The following TNIK variants were observed in gnomAD, a reference collection of about 807,000 sequenced individuals.
The protein encoded by TNIK is TRAF2 and NCK-interacting protein kinase.
Under a neutral mutation model 191.3 loss-of-function variants are expected in TNIK, and 49 were observed. The observed-to-expected ratio is 0.26, with a 90% CI of 0.20 to 0.32. The LOEUF is 0.32. Ranked by LOEUF, TNIK falls within the 10% of genes least tolerant of loss-of-function variation. The pLI is 1.00. For synonymous variants in TNIK, 594 were observed against 600.9 expected (o/e 0.99, Z 0.17); for missense variants, 1,155 against 1,702.3 (o/e 0.68, Z 5.66).
In TNIK at chr3:171,175,236, C is replaced by A; in HGVS notation, c.773+16G>T. 6.2e-7 allele frequency: 1 copy of A among 1,609,808 alleles called. No homozygotes were observed. Among genetic ancestry groups the A allele is most frequent in the Non-Finnish European group, 8.5e-7 (1 of 1,177,998 alleles). Reference sequence around the variant, plus strand: ...CCTCACCCTTAGATCTGCGAAACATCGAAGACCAAACTCACCACTTCTTAG... The same window carrying A: ...CCTCACCCTTAGATCTGCGAAACATAGAAGACCAAACTCACCACTTCTTAG... On this transcript the variant is annotated intron_variant, in intron 9 of 32. Coordinates refer to ENST00000436636, the MANE Select transcript of TNIK (RefSeq NM_015028.4).
chr3:171,080,110 T>C (rs1435525456), intron 27 of TNIK, among the ~76,000 whole-genome samples: 6 of 152,256 alleles, frequency 3.9e-5, no homozygotes, highest in Non-Finnish European at 2.9e-5. Flanking sequence ...GTTCAGAAAA[T>C]TATACTGGGC....
At chr3:171,273,190 G>A (rs548835724) in intron 2 of TNIK, among the ~76,000 whole-genome samples, 6 of 152,252 alleles carry the variant, frequency 3.9e-5, no homozygotes, top group South Asian at 2.1e-4. Flanking sequence ...CTAGAGATGC[G>A]GACCAGAGAT....
At chr3:171,203,101 CCACGTCA>C (rs1226380420) in intron 4 of TNIK, among the ~76,000 whole-genome samples, 1 of 151,930 alleles carries the variant, frequency 6.6e-6, no homozygotes, top group African/African-American at 2.4e-5. Context: ...CCTACAACCT[CCACGTCA>C]CACAAGGGTG....
At chr3:171,222,389 A>T (rs1160732728) in intron 3 of TNIK, among the ~76,000 whole-genome samples, 1 of 152,174 alleles carries the variant, frequency 6.6e-6, no homozygotes, top group Non-Finnish European at 1.5e-5. Context: ...TAAGGATTAA[A>T]TGAGTACTAA....
At chr3:171,166,561 C>T (rs1734644137) in intron 10 of TNIK, among the ~76,000 whole-genome samples, 1 of 70,356 alleles carries the variant, frequency 1.4e-5, no homozygotes, top group Non-Finnish European at 2.4e-5. Flanking sequence ...AAATGACCTT[C>T]AGCTCAAAAA....
chr3:171,137,108 C>CTTTTT lies in TNIK; in HGVS notation c.1608+1078_1608+1082dup, dbSNP rs71176593. Among the ~76,000 whole-genome samples the CTTTTT allele has an allele frequency of 1.8e-3, 189 of 104,128 alleles. 2 individuals are homozygous for CTTTTT. The highest frequency in any genetic ancestry group is 6.6e-3 in the African/African-American group (175 of 26,370). The allele number at this position is 104,128 out of a possible 152,430, so 68.3% of individuals were successfully genotyped here. On this transcript the variant is annotated intron_variant, in intron 15 of 32. Coordinates refer to ENST00000436636, the MANE Select transcript of TNIK (RefSeq NM_015028.4). ...AAGTACAAAAAAGTTTTTAAAAATC[C>CTTTTT]TTTTTTTTTTTTTTTTTTTTTTTTT...
intron 1 of TNIK, among the ~76,000 whole-genome samples, chr3:171,383,279 A>T (rs2108525438): frequency 6.6e-6 from 1 of 152,286 alleles, no homozygotes; most frequent in Non-Finnish European, 1.5e-5. Context: ...AGCATGCTGG[A>T]GCTTGTGGTC....
intron 4 of TNIK, among the ~76,000 whole-genome samples, chr3:171,205,403 A>C (rs977999788): frequency 6.6e-6 from 1 of 152,222 alleles, no homozygotes; most frequent in Admixed American, 6.5e-5. Flanking sequence ...GAGTCTGACG[A>C]GTGCTAGGCC....
At chr3:171,178,728 C>T (rs537582231) in intron 7 of TNIK, among the ~76,000 whole-genome samples, 1 of 152,246 alleles carries the variant, frequency 6.6e-6, no homozygotes, top group African/African-American at 2.4e-5. Flanking sequence ...TTCAATGGCC[C>T]ACATCCTAAT....
At chr3:171,184,437 G>A (rs1182886999) in intron 7 of TNIK, among the ~76,000 whole-genome samples, 2 of 152,212 alleles carry the variant, frequency 1.3e-5, no homozygotes, top group African/African-American at 2.4e-5. Flanking sequence ...GTATCAGCAT[G>A]TTGCGTGGAG....
chr3:171,458,034 A>G (rs572506082), intron 1 of TNIK, among the ~76,000 whole-genome samples: 1 of 152,206 alleles, frequency 6.6e-6, no homozygotes, highest in African/African-American at 2.4e-5. Context: ...TCCCGGCCCA[A>G]CTTAAAATCA....
At chr3:171,255,490 T>C (rs923449280) in intron 2 of TNIK, among the ~76,000 whole-genome samples, 12 of 152,210 alleles carry the variant, frequency 7.9e-5, no homozygotes, top group African/African-American at 2.9e-4. Context: ...ATTCACTACC[T>C]AGACATCACC....
At chr3:171,093,313 A>T (rs981386509) in intron 23 of TNIK, among the ~76,000 whole-genome samples, 1 of 152,230 alleles carries the variant, frequency 6.6e-6, no homozygotes, top group South Asian at 2.1e-4. Flanking sequence ...CCAAAGTTCC[A>T]AGGTACATTT....
intron 1 of TNIK, among the ~76,000 whole-genome samples, chr3:171,380,025 ACG>A (rs869124932): frequency 0.015 from 991 of 64,540 alleles, 9 homozygotes; most frequent in African/African-American, 0.025. Context: ...ACACACACAC[ACG>A]CGCACACACA....
At chr3:171,224,138 C>T (rs1742697936) in intron 3 of TNIK, among the ~76,000 whole-genome samples, 1 of 152,164 alleles carries the variant, frequency 6.6e-6, no homozygotes, top group Non-Finnish European at 1.5e-5. Flanking sequence ...GCAGCTGCTG[C>T]TGGGACGAAA....
chr3:171,130,992 T>C (rs1485306933), intron 15 of TNIK, among the ~76,000 whole-genome samples: 1 of 152,030 alleles, frequency 6.6e-6, no homozygotes, highest in Non-Finnish European at 1.5e-5. Flanking sequence ...AAGAATTCTT[T>C]TGGGAAGTGT....
chr3:171,116,409 G>A (rs1726704445), intron 18 of TNIK, among the ~76,000 whole-genome samples: 1 of 152,196 alleles, frequency 6.6e-6, no homozygotes, highest in Non-Finnish European at 1.5e-5. Flanking sequence ...TTGCCATCCT[G>A]CAGATAATGC....
chr3:171,420,815 C>T (rs1411223172), intron 1 of TNIK, among the ~76,000 whole-genome samples: 7 of 152,142 alleles, frequency 4.6e-5, no homozygotes, highest in Non-Finnish European at 1.5e-5. Context: ...ACCAAGAGAG[C>T]TACTAAGTAG....
intron 1 of TNIK, among the ~76,000 whole-genome samples, chr3:171,415,015 T>C (rs12639373): frequency 0.027 from 4,158 of 152,196 alleles, 81 homozygotes; most frequent in South Asian, 0.077. Context: ...CTTGGTCCAG[T>C]TTTCCACCAG....
Sources: allele counts gnomAD v4.1 joint callset (sites outside exome capture counted in the v4.1 genomes callset), GRCh38; gene constraint gnomAD v4.1.1; transcripts MANE v1.5; gene names NCBI Gene and HGNC (gene_info 2026-07-23, HGNC 2026-07-21).